Variants in SPON2 observed in about 807,000 individuals in gnomAD.
SPON2 encodes the protein spondin 2.
A neutral mutation model predicts 29.9 loss-of-function variants in SPON2; 32 were observed. The observed-to-expected ratio is 1.07, with a 90% CI of 0.81 to 1.44. The LOEUF (loss-of-function observed/expected upper bound fraction) is 1.44. Ranked by LOEUF, SPON2 falls within the 40% of genes most tolerant of loss-of-function variation. SPON2 has a pLI of 0.00. For synonymous variants in SPON2, 248 were observed against 209.1 expected (o/e 1.19, Z -1.61); for missense variants, 541 against 455.5 (o/e 1.19, Z -1.71).
At chr4:1,176,756 C>G (rs1325248007), upstream of SPON2, among the ~76,000 whole-genome samples, 5 of 151,846 alleles carry the variant, frequency 3.3e-5, no homozygotes. Context: ...TGCACTAATT[C>G]ACTCACACAG....
upstream of SPON2, among the ~76,000 whole-genome samples, chr4:1,175,132 C>G (rs1160967789): frequency 6.6e-6 from 1 of 152,272 alleles, no homozygotes. Flanking sequence ...CTCTGCATCC[C>G]TGGACAATCC....
Position 1,170,506 on chromosome 4 carries a change from A to G in SPON2, c.707T>C (p.Ile236Thr), listed in dbSNP as rs1727391293. Reference sequence around the variant, plus strand: ...CAGCCGCACCAGTGTCACCCTGGCGATGGGAGGCAGGGCCTTCAGCCGCGG... The same window carrying G: ...CAGCCGCACCAGTGTCACCCTGGCGGTGGGAGGCAGGGCCTTCAGCCGCGG... The part of the protein sequence containing the change: ...YYPRLKALPP[I>T]ARVTLVRLRQ... The change falls in exon 5 of 6, where the codon ATC becomes ACC. Residue 236 changes from isoleucine to threonine, a missense_variant. Transcript: ENST00000290902. The G allele has an allele frequency of 6.2e-7, 1 of 1,613,908 alleles. No individual in the cohort carries two copies. The highest frequency in any genetic ancestry group is 1.7e-5 in the Admixed American group (1 of 59,996).
At chr4:1,189,654 AAAAAG>A (rs1428221267) in intron 1 of SPON2, among the ~76,000 whole-genome samples, 3 of 149,210 alleles carry the variant, frequency 2.0e-5, no homozygotes, top group Non-Finnish European at 4.4e-5. Flanking sequence ...AAAAAAAAAA[AAAAAG>A]AAAGAAAGAA....
intron 1 of SPON2, among the ~76,000 whole-genome samples, chr4:1,192,884 G>A (rs563990207): frequency 6.6e-6 from 1 of 152,310 alleles, no homozygotes; most frequent in African/African-American, 2.4e-5. Context: ...CAGAAGCAAG[G>A]CCGAGTGGAA....
chr4:1,204,123 T>G (rs1208462939), intron 1 of SPON2, among the ~76,000 whole-genome samples: 9 of 152,190 alleles, frequency 5.9e-5, no homozygotes, highest in Non-Finnish European at 1.3e-4. Flanking sequence ...CCCCCCAGCT[T>G]GGCCTCCCAA....
chr4:1,171,245 G>T lies in SPON2; in HGVS notation c.444+18C>A. ...CCCCGGCCCCCCGGACCCCGCCCCC[G>T]GCCGGCCCCGCGCTCACCAGCGAGT... On this transcript the variant is annotated intron_variant, in intron 3 of 5. Transcript: ENST00000290902. 7.0e-7 allele frequency: 1 copy of T among 1,430,696 alleles called. No homozygotes were observed. The highest frequency in any genetic ancestry group is 9.1e-7 in the Non-Finnish European group (1 of 1,102,386). 88.6% of individuals were successfully genotyped at this position (1,430,696 alleles called of 1,614,324 possible). A position where few individuals can be genotyped will look rare whatever the true frequency, so the allele number is the denominator to read the frequency against.
upstream of SPON2, among the ~76,000 whole-genome samples, chr4:1,174,578 C>T (rs1198443446): frequency 6.6e-6 from 1 of 151,764 alleles, no homozygotes; most frequent in African/African-American, 2.4e-5. Flanking sequence ...TGGGTTATAC[C>T]TATGGATACT....
intron 5 of SPON2, 48 bp from the exon 6 acceptor site, chr4:1,167,704 C>G (rs776164435): frequency 6.5e-7 from 1 of 1,531,558 alleles, no homozygotes; most frequent in Non-Finnish European, 8.8e-7. Context: ...CGTGAAGAGG[C>G]GCTTCGTACA....
At chr4:1,208,151 T>C (rs1728392391), upstream of SPON2, 1 of 152,294 alleles carries the variant, frequency 6.6e-6, no homozygotes, top group Non-Finnish European at 1.5e-5. Flanking sequence ...TCTCTGCTGT[T>C]GTTTTTTGCT....
rs377761304 is a variant in SPON2 at position 1,205,336 on chromosome 4, T to C, written c.-234+2544A>G. Among the ~76,000 whole-genome samples the C allele has an allele frequency of 9.9e-5, 15 of 152,168 alleles. No individual in the cohort carries two copies. In the East Asian group the frequency reaches 1.2e-3, roughly 12 times the overall value. On this transcript the variant is annotated intron_variant, in intron 1 of 3. Transcript: ENST00000509233. Reference sequence around the variant, plus strand: ...TGAGGCCCGATGCCTGAACTGGGCATGGGGGGAGGCACCTTTGAGCTGGGG... The same window carrying C: ...TGAGGCCCGATGCCTGAACTGGGCACGGGGGGAGGCACCTTTGAGCTGGGG...
chr4:1,203,223 C>T (rs918392681), intron 1 of SPON2, among the ~76,000 whole-genome samples: 2 of 152,194 alleles, frequency 1.3e-5, no homozygotes, highest in Non-Finnish European at 2.9e-5. Flanking sequence ...GTTACAGCAG[C>T]GGGGATGGAC....
chr4:1,187,315 A>G (rs1449709548), intron 1 of SPON2, among the ~76,000 whole-genome samples: 1 of 152,236 alleles, frequency 6.6e-6, no homozygotes, highest in Non-Finnish European at 1.5e-5. Flanking sequence ...TACTTAGAAT[A>G]GTCACATTCA....
At chr4:1,201,097 C>A (rs1728192292) in intron 1 of SPON2, 1 of 455,152 alleles carries the variant, frequency 2.2e-6, no homozygotes, top group African/African-American at 2.0e-5. Context: ...CATGGATGCA[C>A]CCTGCCCACA....
At chr4:1,191,262 G>C (rs1727909378) in intron 1 of SPON2, among the ~76,000 whole-genome samples, 1 of 151,870 alleles carries the variant, frequency 6.6e-6, no homozygotes, top group African/African-American at 2.4e-5. Context: ...CTTAAGGCTA[G>C]GTATAGAGAC....
intron 1 of SPON2, chr4:1,194,925 A>G (rs2108672883): frequency 7.2e-6 from 1 of 138,010 alleles, no homozygotes; most frequent in Non-Finnish European, 1.6e-5. Flanking sequence ...CGGCGGCTCC[A>G]ACCCCGCAGC....
intron 1 of SPON2, chr4:1,205,141 C>T: frequency 6.5e-6 from 1 of 152,702 alleles, no homozygotes; most frequent in Non-Finnish European, 1.5e-5. Context: ...CCAGCTGTCC[C>T]CTCCCTGTGC....
intron 5 of SPON2, among the ~76,000 whole-genome samples, chr4:1,169,275 T>C (rs1001375469): frequency 1.3e-5 from 2 of 151,958 alleles, no homozygotes; most frequent in Non-Finnish European, 2.9e-5. Context: ...CCACGAACAG[T>C]GCTGGCACGT....
At position 1,172,524 on chromosome 4, in the gene SPON2, C is replaced by CG. The variant is rs1727492106; in HGVS notation, c.-4+19dup. On this transcript the variant is annotated intron_variant, in intron 1 of 5. Transcript: ENST00000290902. Reference sequence around the variant, plus strand: ...AGGCCCGGGCCCTCTCTGGGTGTCCCGGGGGCACGCAGTACTCACCCGGCA... The same window carrying CG: ...AGGCCCGGGCCCTCTCTGGGTGTCCCGGGGGGCACGCAGTACTCACCCGGCA... 1 of 186,832 alleles carries CG rather than the reference C, an allele frequency of 5.4e-6. No individual in the cohort carries two copies. The highest frequency in any genetic ancestry group is 1.1e-4 in the South Asian group (1 of 8,826). 11.6% of individuals were successfully genotyped at this position (186,832 alleles called of 1,614,324 possible).
Position 1,171,179 on chromosome 4 carries a change from C to T in SPON2, c.456G>A (p.Val152=). The T allele has an allele frequency of 6.5e-7, 1 of 1,532,894 alleles. No homozygotes were observed. The highest frequency in any genetic ancestry group is 8.7e-7 in the Non-Finnish European group (1 of 1,142,996). The allele number at this position is 1,532,894 out of a possible 1,614,324, so 95.0% of individuals were successfully genotyped here. ...AGTCGGGGCTGGGCACGATGCGCACCACAAACGAGACCTGCGGCGACAGCG... is the reference window on the plus strand; with the variant it reads ...AGTCGGGGCTGGGCACGATGCGCACTACAAACGAGACCTGCGGCGACAGCG... ...VQRRHSLVSF[V]VRIVPSPDWF... is the part of the protein sequence containing the mutation. Residue 152 remains valine (V), a synonymous_variant, in exon 4 of 6, where the codon GTG becomes GTA. Coordinates refer to ENST00000290902, the MANE Select transcript of SPON2 (RefSeq NM_012445.4).
Sources: allele counts gnomAD v4.1 joint callset (sites outside exome capture counted in the v4.1 genomes callset), GRCh38; gene constraint gnomAD v4.1.1; transcripts MANE v1.5; gene names NCBI Gene and HGNC (gene_info 2026-07-23, HGNC 2026-07-21).